The following HYDIN variants were observed in gnomAD, a reference collection of about 807,000 sequenced individuals.
HYDIN encodes HYDIN axonemal central pair apparatus protein.
A neutral mutation model predicts 403.9 loss-of-function variants in HYDIN; 132 were observed. The ratio of observed to expected loss-of-function variants is 0.33; its 90% CI spans 0.28 to 0.38. The LOEUF (loss-of-function observed/expected upper bound fraction) is 0.38. Ranked by LOEUF, HYDIN falls within the 10% of genes least tolerant of loss-of-function variation. The pLI, the probability that HYDIN is intolerant of heterozygous loss-of-function variation, is 1.00. For missense variants in HYDIN, 2,827 were observed against 5,009.5 expected (o/e 0.56, Z 13.15); for synonymous variants, 1,202 against 1,891.7 (o/e 0.64, Z 9.46).
chr16:70,884,576 A>G (rs1442107957), intron 58 of HYDIN, among the ~76,000 whole-genome samples: 1 of 151,776 alleles, frequency 6.6e-6, no homozygotes, highest in Non-Finnish European at 1.5e-5. Flanking sequence ...CAGTTTATTT[A>G]TCTATAAAAT....
chr16:71,051,665 A>C (rs2081651761), intron 18 of HYDIN, among the ~76,000 whole-genome samples: 1 of 111,024 alleles, frequency 9.0e-6, no homozygotes, highest in East Asian at 2.6e-4. Flanking sequence ...AAAAACAAAA[A>C]AAACAAAAAA....
chr16:71,018,678 A>T (rs1431065533), intron 22 of HYDIN, among the ~76,000 whole-genome samples: 1 of 151,834 alleles, frequency 6.6e-6, no homozygotes. Flanking sequence ...ATGTATATGG[A>T]TACACATTTT....
At chr16:71,162,873 T>C (rs2086061019) in intron 5 of HYDIN, 143 bp from the exon 6 acceptor site, 5 of 597,934 alleles carry the variant, frequency 8.4e-6, no homozygotes, top group Middle Eastern at 8.9e-4. Context: ...ATTACAGAAG[T>C]ACTTTCAAAT....
At chr16:71,220,992 A>G (rs2089172114) in intron 1 of HYDIN, among the ~76,000 whole-genome samples, 1 of 152,184 alleles carries the variant, frequency 6.6e-6, no homozygotes, top group Non-Finnish European at 1.5e-5. Context: ...AGGGACCAAG[A>G]AAGGTAAGTG....
intron 6 of HYDIN, among the ~76,000 whole-genome samples, chr16:71,158,065 C>T (rs1232024932): frequency 6.6e-6 from 1 of 151,820 alleles, no homozygotes; most frequent in Non-Finnish European, 1.5e-5. Context: ...TCAAACCTAG[C>T]TGGAATCTGG....
intron 18 of HYDIN, among the ~76,000 whole-genome samples, chr16:71,036,932 A>T (rs971811461): frequency 2.6e-5 from 4 of 151,586 alleles, no homozygotes; most frequent in African/African-American, 4.8e-5. Context: ...AAAAAAGGAA[A>T]GGACGAATGA....
chr16:71,179,102 G>C lies in HYDIN; in HGVS notation c.262-55C>G, dbSNP rs189897022. The C allele has an allele frequency of 2.0e-5, 29 of 1,458,442 alleles. No homozygotes were observed. The East Asian group carries it at 6.6e-4, about 33-fold the overall frequency. The allele number at this position is 1,458,442 out of a possible 1,614,324, so 90.3% of individuals were successfully genotyped here. A position where few individuals can be genotyped will look rare whatever the true frequency, so the allele number is the denominator to read the frequency against. ...AGTCACACATTGACAAAAATGACTG[G>C]GGAAGATAAGAAAATACTACGTAGA... On this transcript the variant is annotated intron_variant, in intron 3 of 85. Transcript: ENST00000393567.
At chr16:71,011,321 T>C (rs1222312623) in intron 23 of HYDIN, among the ~76,000 whole-genome samples, 1 of 152,140 alleles carries the variant, frequency 6.6e-6, no homozygotes, top group Non-Finnish European at 1.5e-5. Flanking sequence ...GTCACATGGC[T>C]AGGAGGAGCA....
intron 23 of HYDIN, among the ~76,000 whole-genome samples, chr16:71,010,584 A>C (rs2080049209): frequency 6.6e-6 from 1 of 151,582 alleles, no homozygotes; most frequent in African/African-American, 2.4e-5. Context: ...CACCATTATT[A>C]ACCTCCTTCA....
At chr16:71,194,135 G>A (rs776995888) in intron 1 of HYDIN, among the ~76,000 whole-genome samples, 10 of 152,284 alleles carry the variant, frequency 6.6e-5, no homozygotes, top group African/African-American at 9.6e-5. Flanking sequence ...TTTTTGGGCC[G>A]GGTGCAGTGG....
At position 70,908,468 on chromosome 16, in the gene HYDIN, G is replaced by A. The variant is rs577297543; in HGVS notation, c.8214-34C>T. 343 of 1,021,966 alleles carry A rather than the reference G, an allele frequency of 3.4e-4. 3 individuals carry two copies. In the East Asian group the frequency reaches 7.7e-3, roughly 23 times the overall value. The allele number at this position is 1,021,966 out of a possible 1,614,324, so 63.3% of individuals were successfully genotyped here. A position where few individuals can be genotyped will look rare whatever the true frequency, so the allele number is the denominator to read the frequency against. On this transcript the variant is annotated intron_variant, in intron 48 of 85. Transcript: ENST00000393567. ...GACCACACAGGTTTATAAAGTGAGAGTGCTCCCCTCTGGCCAAGAGAAGAC... is the reference window on the plus strand; with the variant it reads ...GACCACACAGGTTTATAAAGTGAGAATGCTCCCCTCTGGCCAAGAGAAGAC...
chr16:71,157,278 G>C (rs898254713), intron 6 of HYDIN, among the ~76,000 whole-genome samples: 7 of 151,126 alleles, frequency 4.6e-5, no homozygotes, highest in African/African-American at 1.7e-4. Flanking sequence ...AGGATGATCT[G>C]TTTTTTTAAA....
At chr16:71,174,950 A>T (rs1291780385) in intron 5 of HYDIN, among the ~76,000 whole-genome samples, 1 of 152,162 alleles carries the variant, frequency 6.6e-6, no homozygotes, top group Non-Finnish European at 1.5e-5. Context: ...GAAGAAAGTC[A>T]TAACCAATTA....
At chr16:70,996,305 A>G (rs1884446241) in intron 23 of HYDIN, among the ~76,000 whole-genome samples, 4 of 152,206 alleles carry the variant, frequency 2.6e-5, no homozygotes, top group African/African-American at 9.6e-5. Context: ...ACAGTGTTGT[A>G]GGATTCTAAA....
intron 77 of HYDIN, among the ~76,000 whole-genome samples, chr16:70,837,022 T>C (rs989989886): frequency 6.6e-6 from 1 of 152,244 alleles, no homozygotes; most frequent in African/African-American, 2.4e-5. Flanking sequence ...ATGCTATGCA[T>C]TCCTGAAAGT....
intron 23 of HYDIN, among the ~76,000 whole-genome samples, chr16:71,008,427 C>G (rs1280678222): frequency 6.6e-6 from 1 of 152,162 alleles, no homozygotes; most frequent in Non-Finnish European, 1.5e-5. Context: ...AGAATGATGC[C>G]TGGCACATGG....
chr16:71,137,136 AT>A lies in HYDIN; in HGVS notation c.1043+14del. The stretch of plus-strand genomic sequence containing the variant: ...CCCTCCAAATTACTGCATATAGGTG[AT>A]TTTTGTTACAGACCTATATTTTTCT... On this transcript the variant is annotated intron_variant, in intron 8 of 85. Transcript: ENST00000393567. The A allele has an allele frequency of 1.6e-6, 1 of 618,880 alleles. No individual in the cohort carries two copies. The allele number at this position is 618,880 out of a possible 1,614,324, so 38.3% of individuals were successfully genotyped here.
chr16:70,966,174 C>A (rs2078567198), intron 36 of HYDIN, among the ~76,000 whole-genome samples: 1 of 152,096 alleles, frequency 6.6e-6, no homozygotes, highest in African/African-American at 2.4e-5. Context: ...CTCCCTCTGC[C>A]CAACTCTGCT....
chr16:70,976,617 T>C (rs948072901), intron 30 of HYDIN, among the ~76,000 whole-genome samples: 1 of 151,634 alleles, frequency 6.6e-6, no homozygotes, highest in Non-Finnish European at 1.5e-5. Flanking sequence ...ACTATAGTTA[T>C]ACGAGACGTT....
Sources: allele counts gnomAD v4.1 joint callset (sites outside exome capture counted in the v4.1 genomes callset), GRCh38; gene constraint gnomAD v4.1.1; transcripts MANE v1.5; gene names NCBI Gene and HGNC (gene_info 2026-07-23, HGNC 2026-07-21).